The following SAMD10 variants were observed in gnomAD, a reference collection of about 807,000 sequenced individuals.
The protein encoded by SAMD10 is sterile alpha motif domain containing 10.
A neutral mutation model predicts 22.5 loss-of-function variants in SAMD10; 16 were observed. The ratio of observed to expected loss-of-function variants is 0.71; its 90% CI spans 0.48 to 1.08. SAMD10 has a LOEUF of 1.08. Among genes scored for constraint, SAMD10 ranks in the 50% least tolerant of loss-of-function variants. The probability of loss-of-function intolerance (pLI) is 0.00; values close to 1 mark genes in which losing one functional copy is unlikely to be tolerated. For missense variants in SAMD10, 227 were observed against 281.3 expected (o/e 0.81, Z 1.38); for synonymous variants, 118 against 122.2 (o/e 0.97, Z 0.23).
At position 63,977,164 on chromosome 20, in the gene SAMD10, G is replaced by T. The variant is rs1431963615; in HGVS notation, c.274-22C>A. 23 of 1,613,080 alleles carry T rather than the reference G, an allele frequency of 1.4e-5. No homozygotes were observed. The highest frequency in any genetic ancestry group is 2.0e-5 in the Non-Finnish European group (23 of 1,179,120). ...GGCCCTGCAGGGGAGGGGCGTGGCA[G>T]GCAGAGTGAGAGTGGTGGAGAAGGA... On this transcript the variant is annotated intron_variant, in intron 2 of 4. Coordinates refer to ENST00000369886, the MANE Select transcript of SAMD10 (RefSeq NM_080621.5). This position sits in a 1 kb window ranked among gnomAD's most constrained non-coding sequence, Gnocchi z 5.4.
At chr20:63,978,229 T>TG in intron 1 of SAMD10, 1 of 964,740 alleles carries the variant, frequency 1.0e-6, no homozygotes, top group Non-Finnish European at 1.5e-6. Flanking sequence ...TCATCATCTC[T>TG]GGGGGCACTG....
chr20:63,978,124 T>G (rs1601500482), intron 1 of SAMD10: 1 of 406,070 alleles, frequency 2.5e-6, no homozygotes, highest in Non-Finnish European at 5.0e-6. Context: ...TCAGCACAGG[T>G]ATGTGGGGTG....
intron 4 of SAMD10, 64 bp downstream of exon 4, chr20:63,975,628 C>A: frequency 6.3e-7 from 1 of 1,575,366 alleles, no homozygotes; most frequent in Non-Finnish European, 8.6e-7. Flanking sequence ...CTGAGGTCAT[C>A]CCACCCCACA....
intron 1 of SAMD10, chr20:63,978,117 G>C (rs1471064953): frequency 2.6e-6 from 1 of 390,002 alleles, no homozygotes; most frequent in African/African-American, 2.1e-5. Context: ...GGGCGGGTCA[G>C]CACAGGTATG....
rs2059034886 is a variant in SAMD10, at chr20:63,977,704, G to A, written c.92-298C>T. 6.6e-6 allele frequency among the ~76,000 whole-genome samples: 1 copy of A among 152,230 alleles called. No homozygotes were observed. Among genetic ancestry groups the A allele is most frequent in the Non-Finnish European group, 1.5e-5 (1 of 68,038 alleles). ...ATGTGCCCTCTAGGGAAGGGAACCT[G>A]AGACATATGACAAGAGGAGCTATCC... On this transcript the variant is annotated intron_variant, in intron 1 of 4. Coordinates refer to ENST00000369886, the MANE Select transcript of SAMD10 (RefSeq NM_080621.5). This position sits in a 1 kb window ranked among gnomAD's most constrained non-coding sequence, Gnocchi z 5.4.
In SAMD10 at chr20:63,979,273, C is replaced by G; in HGVS notation, c.91+104G>C. 1.2e-6 allele frequency: 1 copy of G among 811,994 alleles called. No individual in the cohort carries two copies. Among genetic ancestry groups the G allele is most frequent in the Non-Finnish European group, 1.8e-6 (1 of 568,188 alleles). 50.3% of individuals were successfully genotyped at this position (811,994 alleles called of 1,614,324 possible). A position where few individuals can be genotyped will look rare whatever the true frequency, so the allele number is the denominator to read the frequency against. ...CGAGACATCCGCCGAATACCCCCAGCCACCGCCGCTCGAAGCCCGCCGGGT... is the reference window on the plus strand; with the variant it reads ...CGAGACATCCGCCGAATACCCCCAGGCACCGCCGCTCGAAGCCCGCCGGGT... On this transcript the variant is annotated intron_variant, in intron 1 of 4. Coordinates refer to ENST00000369886, the MANE Select transcript of SAMD10 (RefSeq NM_080621.5). This position sits in a 1 kb window ranked among gnomAD's most constrained non-coding sequence, Gnocchi z 7.7.
chr20:63,978,357 A>G, intron 1 of SAMD10: 8 of 1,275,074 alleles, frequency 6.3e-6, no homozygotes, highest in Non-Finnish European at 7.3e-6. Flanking sequence ...GCAAGTGAAC[A>G]GAGCCTGTGG....
In SAMD10 at chr20:63,979,424, C is replaced by G. The variant is rs1320774090; in HGVS notation, c.44G>C (p.Arg15Pro). 1 of 1,478,986 alleles carries G rather than the reference C, an allele frequency of 6.8e-7. No individual in the cohort carries two copies. The allele number at this position is 1,478,986 out of a possible 1,614,324, so 91.6% of individuals were successfully genotyped here. A position where few individuals can be genotyped will look rare whatever the true frequency, so the allele number is the denominator to read the frequency against. Residue 15 changes from arginine to proline, a missense_variant, in exon 1 of 5, where the codon CGC (arginine) becomes CCC (proline). Coordinates refer to ENST00000369886, the MANE Select transcript of SAMD10 (RefSeq NM_080621.5). This position sits in a 1 kb window ranked among gnomAD's most constrained non-coding sequence, Gnocchi z 7.7. ...GAAGCCCGCGCGCACGGCCCCGGCG[C>G]GGCCACGCGGGGGGCTCAGCTTGGA... ...LRSKLSPPRG[R>P]AGAVRAGFGE... is the part of the protein sequence containing the mutation.
In SAMD10 at chr20:63,979,256, C is replaced by T; in HGVS notation, c.91+121G>A. 1.5e-6 allele frequency: 1 copy of T among 669,872 alleles called. No individual in the cohort carries two copies. The highest frequency in any genetic ancestry group is 2.3e-6 in the Non-Finnish European group (1 of 443,498). 41.5% of individuals were successfully genotyped at this position (669,872 alleles called of 1,614,324 possible). On this transcript the variant is annotated intron_variant, in intron 1 of 4. Transcript: ENST00000369886. This position sits in a 1 kb window ranked among gnomAD's most constrained non-coding sequence, Gnocchi z 7.7. Reference sequence around the variant, plus strand: ...ACGGGACCCCGTTGAGCCGAGACATCCGCCGAATACCCCCAGCCACCGCCG... The same window carrying T: ...ACGGGACCCCGTTGAGCCGAGACATTCGCCGAATACCCCCAGCCACCGCCG...
Position 63,977,358 on chromosome 20 carries a change from G to T in SAMD10, c.140C>A (p.Ser47Ter). ...CAAGTGGCAGGGGATGCTCTCAGCTGACACCGTGTGCTCCAGGAGGGTCCG... is the reference window on the plus strand; with the variant it reads ...CAAGTGGCAGGGGATGCTCTCAGCTTACACCGTGTGCTCCAGGAGGGTCCG... ...FCRTLLEHTVSAESIPCHLPR... is the reference protein window; with the variant it reads ...FCRTLLEHTV Residue 47 changes from serine to a stop codon, truncating the protein, a stop_gained, in exon 2 of 5, where the codon TCA becomes TAA. Transcript: ENST00000369886. LOFTEE classifies it high-confidence loss of function. The surrounding 1 kb of genome is among the most constrained non-coding windows in gnomAD (Gnocchi z 5.4). The T allele has an allele frequency of 6.2e-7, 1 of 1,613,390 alleles. No individual in the cohort carries two copies.
chr20:63,979,249 G>T lies in SAMD10; in HGVS notation c.91+128C>A, dbSNP rs546816051. On this transcript the variant is annotated intron_variant, in intron 1 of 4. Transcript: ENST00000369886. This position sits in a 1 kb window ranked among gnomAD's most constrained non-coding sequence, Gnocchi z 7.7. ...AAAGGCTACGGGACCCCGTTGAGCC[G>T]AGACATCCGCCGAATACCCCCAGCC... 53 of 628,974 alleles carry T rather than the reference G, an allele frequency of 8.4e-5. No homozygotes were observed. In the African/African-American group the frequency reaches 9.3e-4, roughly 11 times the overall value. 39.0% of individuals were successfully genotyped at this position (628,974 alleles called of 1,614,324 possible).
In SAMD10 at chr20:63,974,966, TA is replaced by T. The variant is rs1426850203; in HGVS notation, c.*543del. The T allele has an allele frequency of 1.3e-5, 2 of 159,454 alleles. No individual in the cohort carries two copies. The highest frequency in any genetic ancestry group is 2.7e-5 in the Non-Finnish European group (2 of 72,966). 9.9% of individuals were successfully genotyped at this position (159,454 alleles called of 1,614,324 possible). A position where few individuals can be genotyped will look rare whatever the true frequency, so the allele number is the denominator to read the frequency against. On this transcript the variant is annotated 3_prime_UTR_variant, in exon 5 of 5. Coordinates refer to ENST00000369886, the MANE Select transcript of SAMD10 (RefSeq NM_080621.5). Reference sequence around the variant, plus strand: ...CCGTTAGGCGGGTGCTGATGGCCACTACTCTAGATGATGGGTTGGCCTGCTG... The same window carrying T: ...CCGTTAGGCGGGTGCTGATGGCCACTCTCTAGATGATGGGTTGGCCTGCTG...
chr20:63,978,275 A>C (rs1393718000), intron 1 of SAMD10: 1 of 1,298,806 alleles, frequency 7.7e-7, no homozygotes, highest in Non-Finnish European at 1.0e-6. Flanking sequence ...GTCTTGATCC[A>C]GGTCTGGTTA....
At position 63,977,259 on chromosome 20, in the gene SAMD10, T is replaced by C. The variant is rs372450646; in HGVS notation, c.239A>G (p.Lys80Arg). The change falls in exon 2 of 5, where the codon AAG (lysine) becomes AGG (arginine). Residue 80 changes from lysine to arginine, a missense_variant. By Grantham distance (26) the Lys-to-Arg change is conservative. Transcript: ENST00000369886. The surrounding 1 kb of genome is among the most constrained non-coding windows in gnomAD (Gnocchi z 5.4). ...GTCTGTGCCGGGCTGCTGCAGGAGC[T>C]TGATTGGCCTGCTGCTGGCCGCCCT... Reference protein sequence around the residue: ...SQRAASSRPIKLLQQPGTDTP... With the variant: ...SQRAASSRPIRLLQQPGTDTP... 1.9e-6 allele frequency: 3 copies of C among 1,613,288 alleles called. No homozygotes were observed. Among genetic ancestry groups the C allele is most frequent in the Non-Finnish European group, 2.5e-6 (3 of 1,179,988 alleles).
Position 63,979,574 on chromosome 20 carries a change from C to G in SAMD10, c.-107G>C. ...GCCGCCCCGCCCCGCCCCAGCCGGC[C>G]CCGCGCCCGAGCCGGTCCCCGCGGC... On this transcript the variant is annotated 5_prime_UTR_variant, in exon 1 of 5. Transcript: ENST00000369886. The surrounding 1 kb of genome is among the most constrained non-coding windows in gnomAD (Gnocchi z 7.7). 1 of 984,890 alleles carries G rather than the reference C, an allele frequency of 1.0e-6. No homozygotes were observed. The highest frequency in any genetic ancestry group is 1.2e-6 in the Non-Finnish European group (1 of 830,582). The allele number at this position is 984,890 out of a possible 1,614,324, so 61.0% of individuals were successfully genotyped here.
Position 63,979,334 on chromosome 20 carries a change from C to A in SAMD10, c.91+43G>T. 1 of 1,399,312 alleles carries A rather than the reference C, an allele frequency of 7.1e-7. No individual in the cohort carries two copies. Among genetic ancestry groups the A allele is most frequent in the Non-Finnish European group, 9.4e-7 (1 of 1,062,188 alleles). 86.7% of individuals were successfully genotyped at this position (1,399,312 alleles called of 1,614,324 possible). A position where few individuals can be genotyped will look rare whatever the true frequency, so the allele number is the denominator to read the frequency against. ...CCCCGTGCCTCTGGGTCCCTGAGAC[C>A]CCCGCCCGAGAAATCCCCGCTCCCC... On this transcript the variant is annotated intron_variant, in intron 1 of 4. Coordinates refer to ENST00000369886, the MANE Select transcript of SAMD10 (RefSeq NM_080621.5). This position sits in a 1 kb window ranked among gnomAD's most constrained non-coding sequence, Gnocchi z 7.7.
At position 63,977,245 on chromosome 20, in the gene SAMD10, G is replaced by C. The variant is rs1429033382; in HGVS notation, c.253C>G (p.Pro85Ala). The change falls in exon 2 of 5, where the codon CCC becomes GCC. Residue 85 changes from proline (P) to alanine (A), a missense_variant. Pro to Ala is a conservative substitution (Grantham distance 27). Coordinates refer to ENST00000369886, the MANE Select transcript of SAMD10 (RefSeq NM_080621.5). The surrounding 1 kb of genome is among the most constrained non-coding windows in gnomAD (Gnocchi z 5.4). Reference sequence around the variant, plus strand: ...GGTACCTGGGGGGTGTCTGTGCCGGGCTGCTGCAGGAGCTTGATTGGCCTG... The same window carrying C: ...GGTACCTGGGGGGTGTCTGTGCCGGCCTGCTGCAGGAGCTTGATTGGCCTG... The part of the protein sequence containing the change: ...SSRPIKLLQQ[P>A]GTDTPQGRLY... 2 of 1,613,456 alleles carry C rather than the reference G, an allele frequency of 1.2e-6. No homozygotes were observed. Among genetic ancestry groups the C allele is most frequent in the African/African-American group, 2.7e-5 (2 of 75,020 alleles).
intron 3 of SAMD10, among the ~76,000 whole-genome samples, chr20:63,976,361 A>G (rs2059022349): frequency 6.6e-6 from 1 of 152,070 alleles, no homozygotes; most frequent in South Asian, 2.1e-4. Context: ...AAACACACAG[A>G]GACTTAAAGG....
chr20:63,978,390 C>A, intron 1 of SAMD10: 4 of 1,044,666 alleles, frequency 3.8e-6, no homozygotes, highest in Non-Finnish European at 5.3e-6. Flanking sequence ...TGGGCACAGG[C>A]CTGCCCCTGT....
Sources: allele counts gnomAD v4.1 joint callset (sites outside exome capture counted in the v4.1 genomes callset), GRCh38; gene constraint gnomAD v4.1.1; non-coding constraint Gnocchi (gnomAD v3.1); transcripts MANE v1.5; gene names NCBI Gene and HGNC (gene_info 2026-07-23, HGNC 2026-07-21).